The following CLEC16A variants were observed in gnomAD, a reference collection of about 807,000 sequenced individuals.
The protein encoded by CLEC16A is protein CLEC16A.
A neutral mutation model predicts 109.5 loss-of-function variants in CLEC16A; 51 were observed. The observed-to-expected ratio is 0.47, with a 90% confidence interval of 0.37 to 0.59. The LOEUF (loss-of-function observed/expected upper bound fraction) is 0.59, where lower values mean the gene tolerates loss of function less well. Ranked by LOEUF, CLEC16A falls within the 20% of genes least tolerant of loss-of-function variation. The pLI is 0.00. For synonymous variants in CLEC16A, 673 were observed against 564.2 expected (o/e 1.19, Z -2.73); for missense variants, 1,339 against 1,394.0 (o/e 0.96, Z 0.63).
intron 10 of CLEC16A, among the ~76,000 whole-genome samples, chr16:10,994,385 C>T (rs1317735925): frequency 6.6e-6 from 1 of 152,196 alleles, no homozygotes; most frequent in Non-Finnish European, 1.5e-5. Flanking sequence ...GGTACATCAC[C>T]CATCTGGTGC....
At chr16:11,145,134 C>G (rs4322688) in intron 22 of CLEC16A, among the ~76,000 whole-genome samples, 51,202 of 151,928 alleles carry the variant, frequency 0.34, 8,734 homozygotes, top group South Asian at 0.44. Flanking sequence ...TGGGAATGGC[C>G]CCTGCTCCCG....
intron 10 of CLEC16A, among the ~76,000 whole-genome samples, chr16:10,998,793 A>G (rs140174631): frequency 0.013 from 1,924 of 152,226 alleles, 42 homozygotes; most frequent in African/African-American, 0.044. Flanking sequence ...ACCGTGGGGT[A>G]GAGATGAGAG....
intron 18 of CLEC16A, among the ~76,000 whole-genome samples, chr16:11,058,465 T>C (rs2048321791): frequency 6.6e-6 from 1 of 152,226 alleles, no homozygotes; most frequent in South Asian, 2.1e-4. Context: ...TTTGTTATAC[T>C]GTATTGATTA....
chr16:11,002,997 A>G, intron 10 of CLEC16A, 77 bp from the exon 11 acceptor site: 2 of 1,206,472 alleles, frequency 1.7e-6, no homozygotes, highest in African/African-American at 1.5e-5. Context: ...TAGGACAGAA[A>G]CTTTTGGGCA....
chr16:10,999,584 T>G (rs1365568759), intron 10 of CLEC16A, among the ~76,000 whole-genome samples: 1 of 152,168 alleles, frequency 6.6e-6, no homozygotes. Flanking sequence ...ACAACTCCCC[T>G]ATCAATGGAC....
intron 11 of CLEC16A, among the ~76,000 whole-genome samples, chr16:11,010,159 A>T (rs2045314387): frequency 6.6e-6 from 1 of 152,058 alleles, no homozygotes; most frequent in Non-Finnish European, 1.5e-5. Context: ...TTCTTAAAAA[A>T]AAAGAAGATG....
chr16:11,058,531 T>A (rs1328669480), intron 18 of CLEC16A, among the ~76,000 whole-genome samples: 1 of 152,104 alleles, frequency 6.6e-6, no homozygotes, highest in Non-Finnish European at 1.5e-5. Flanking sequence ...ACCCTTTTTT[T>A]TTTTAATATT....
At chr16:11,146,644 C>T (rs1037809435) in intron 22 of CLEC16A, among the ~76,000 whole-genome samples, 1 of 149,950 alleles carries the variant, frequency 6.7e-6, no homozygotes, top group Non-Finnish European at 1.5e-5. Context: ...GATTGGTGTA[C>T]AGGGATAGAT....
At chr16:11,030,553 T>C (rs574747610) in intron 13 of CLEC16A, among the ~76,000 whole-genome samples, 1 of 152,370 alleles carries the variant, frequency 6.6e-6, no homozygotes, top group South Asian at 2.1e-4. Flanking sequence ...GCCATACATG[T>C]CTTTGTTAGT....
At chr16:11,106,229 G>T (rs1351096024) in intron 19 of CLEC16A, among the ~76,000 whole-genome samples, 1 of 152,136 alleles carries the variant, frequency 6.6e-6, no homozygotes, top group East Asian at 1.9e-4. Context: ...CAAGTTGAAA[G>T]AATTGTATAG....
intron 1 of CLEC16A, among the ~76,000 whole-genome samples, chr16:10,945,476 G>C (rs1201645919): frequency 6.6e-6 from 1 of 152,160 alleles, no homozygotes; most frequent in Non-Finnish European, 1.5e-5. Context: ...CTACAGCTCT[G>C]GGGGAGGACA....
chr16:11,092,219 C>A (rs112259912), intron 19 of CLEC16A, among the ~76,000 whole-genome samples: 10,846 of 152,134 alleles, frequency 0.071, 384 homozygotes, highest in East Asian at 0.12. Flanking sequence ...TGGTATGCAC[C>A]TGTAGTCCAA....
At chr16:11,089,739 C>A (rs548532009) in intron 19 of CLEC16A, among the ~76,000 whole-genome samples, 1 of 152,154 alleles carries the variant, frequency 6.6e-6, no homozygotes, top group African/African-American at 2.4e-5. Flanking sequence ...GGGAAGGGCC[C>A]GACTCAGGAA....
intron 20 of CLEC16A, among the ~76,000 whole-genome samples, chr16:11,122,896 CTTTTTTTTTTTTTT>C (rs1002354410): frequency 2.2e-4 from 16 of 73,774 alleles, no homozygotes; most frequent in African/African-American, 7.6e-4. Flanking sequence ...CTATCCCTTT[CTTTTTTTTTTTTTT>C]TTTTTTTTTT....
At chr16:11,011,763 C>T (rs375616701) in intron 11 of CLEC16A, among the ~76,000 whole-genome samples, 26 of 152,142 alleles carry the variant, frequency 1.7e-4, no homozygotes, top group Middle Eastern at 3.4e-3. Context: ...TATAAGCATG[C>T]GTACACACAC....
intron 22 of CLEC16A, among the ~76,000 whole-genome samples, chr16:11,162,527 C>T (rs1377926178): frequency 6.6e-6 from 1 of 152,232 alleles, no homozygotes; most frequent in African/African-American, 2.4e-5. Flanking sequence ...GTACAACTAC[C>T]TGCTTCTCTC....
chr16:11,082,970 G>A (rs1404513638), intron 19 of CLEC16A, among the ~76,000 whole-genome samples: 1 of 152,048 alleles, frequency 6.6e-6, no homozygotes, highest in Admixed American at 6.6e-5. Context: ...TAGATCTGTG[G>A]TTTACCCTCA....
intron 20 of CLEC16A, among the ~76,000 whole-genome samples, chr16:11,121,844 C>T (rs1476578351): frequency 7.4e-6 from 1 of 135,748 alleles, no homozygotes; most frequent in Non-Finnish European, 1.5e-5. Flanking sequence ...CGTGCCACTG[C>T]ACTCCAGCCT....
chr16:11,023,263 T>C (rs2046226709), intron 12 of CLEC16A, among the ~76,000 whole-genome samples: 1 of 152,152 alleles, frequency 6.6e-6, no homozygotes, highest in East Asian at 1.9e-4. Context: ...AACAAAACGC[T>C]TAATGGTTTT....
Sources: gnomAD v4.1 joint callset for allele counts (sites outside exome capture counted in the v4.1 genomes callset) on GRCh38, gnomAD v4.1.1 for gene constraint, MANE v1.5 for transcripts, NCBI Gene and HGNC (gene_info 2026-07-23, HGNC 2026-07-21) for gene names.